Variants in STPG1 observed in about 807,000 individuals in gnomAD.
STPG1 encodes O(6)-methylguanine-induced apoptosis 2.
In STPG1, 33 loss-of-function variants were observed where a neutral mutation model predicts 40.1. The observed-to-expected ratio is 0.82, with a 90% confidence interval of 0.62 to 1.10. The LOEUF is 1.10. Among genes scored for constraint, STPG1 ranks in the 50% least tolerant of loss-of-function variants. The pLI, the probability that STPG1 is intolerant of heterozygous loss-of-function variation, is 0.00. For synonymous variants in STPG1, 150 were observed against 155.0 expected, an observed-to-expected ratio of 0.97 and a Z score of 0.24; for missense variants, 396 against 415.1, an observed-to-expected ratio of 0.95 and a Z score of 0.40.
chr1:24,408,440 C>G (rs975846116), intron 1 of STPG1, among the ~76,000 whole-genome samples: 1 of 152,244 alleles, frequency 6.6e-6, no homozygotes, highest in African/African-American at 2.4e-5. Context: ...GGTTTCTGAA[C>G]ATTTTTGGTG....
At chr1:24,389,888 G>T (rs1392117509) in intron 3 of STPG1, among the ~76,000 whole-genome samples, 4 of 152,242 alleles carry the variant, frequency 2.6e-5, no homozygotes, top group African/African-American at 4.8e-5. Flanking sequence ...GTGTGTGTTT[G>T]TGTGCGTACA....
chr1:24,406,272 G>A (rs1643412507), intron 1 of STPG1, among the ~76,000 whole-genome samples: 1 of 151,982 alleles, frequency 6.6e-6, no homozygotes, highest in African/African-American at 2.4e-5. Context: ...TCAAACAATA[G>A]TATGTTACTT....
intron 1 of STPG1, among the ~76,000 whole-genome samples, chr1:24,412,941 T>C (rs1643777882): frequency 2.0e-5 from 3 of 152,250 alleles, no homozygotes; most frequent in Admixed American, 2.0e-4. Context: ...TGCTAAGTAT[T>C]ACAGTTTACA....
At chr1:24,402,964 T>C (rs1439064214) in intron 1 of STPG1, among the ~76,000 whole-genome samples, 1 of 152,158 alleles carries the variant, frequency 6.6e-6, no homozygotes, top group Non-Finnish European at 1.5e-5. Flanking sequence ...TTGATCAAAT[T>C]TGTCAAAATT....
intron 1 of STPG1, among the ~76,000 whole-genome samples, chr1:24,406,778 C>A (rs1643430976): frequency 6.6e-6 from 1 of 152,038 alleles, no homozygotes; most frequent in African/African-American, 2.4e-5. Context: ...AGTAATAATT[C>A]TTTTTTTATC....
chr1:24,389,087 A>T (rs1642636922), intron 3 of STPG1, among the ~76,000 whole-genome samples: 1 of 152,218 alleles, frequency 6.6e-6, no homozygotes, highest in Admixed American at 6.5e-5. Context: ...CACATTTAAA[A>T]AGTTGGAACC....
intron 8 of STPG1, 97 bp downstream of exon 8, chr1:24,360,754 G>A (rs1233620394): frequency 6.2e-6 from 7 of 1,124,576 alleles, no homozygotes; most frequent in East Asian, 2.4e-5. Context: ...AACCTATTTG[G>A]GAAACAACCT....
At chr1:24,385,653 T>G (rs1333878426) in intron 3 of STPG1, among the ~76,000 whole-genome samples, 1 of 152,216 alleles carries the variant, frequency 6.6e-6, no homozygotes, top group Non-Finnish European at 1.5e-5. Context: ...ACATAACTAG[T>G]AAATGTCAGA....
chr1:24,402,335 T>C (rs1355632029), intron 1 of STPG1, among the ~76,000 whole-genome samples: 2 of 152,212 alleles, frequency 1.3e-5, no homozygotes, highest in African/African-American at 4.8e-5. Flanking sequence ...CCAACATGTG[T>C]TTGCTCAATC....
intron 2 of STPG1, among the ~76,000 whole-genome samples, chr1:24,392,237 T>A (rs978668101): frequency 6.6e-6 from 1 of 152,248 alleles, no homozygotes; most frequent in African/African-American, 2.4e-5. Context: ...CTATAGAAAC[T>A]GAAGTTAAAA....
At chr1:24,413,850 T>A (rs1230567484), upstream of STPG1, 2 of 152,206 alleles carry the variant, frequency 1.3e-5, no homozygotes, top group Non-Finnish European at 2.9e-5. Context: ...CGTTTCAAAG[T>A]CCGCAGAGAA....
chr1:24,401,402 T>G lies in STPG1; in HGVS notation c.-14A>C. 1 of 1,613,234 alleles carries G rather than the reference T, an allele frequency of 6.2e-7. No individual in the cohort carries two copies. Among genetic ancestry groups the G allele is most frequent in the Non-Finnish European group, 8.5e-7 (1 of 1,179,416 alleles). On this transcript the variant is annotated 5_prime_UTR_variant, in exon 2 of 9. Coordinates refer to ENST00000337248, the MANE Select transcript of STPG1 (RefSeq NM_001199013.2). ...AGAGTTGTCCATGTTAGCAAAATTC[T>G]GTGACGTGTTCCATTTGTTTGATGA... is the stretch of plus-strand genomic sequence containing the variant.
intron 3 of STPG1, among the ~76,000 whole-genome samples, chr1:24,386,536 A>G (rs1248694510): frequency 3.3e-5 from 5 of 152,246 alleles, no homozygotes; most frequent in Non-Finnish European, 7.3e-5. Flanking sequence ...CAGATGCTAC[A>G]TCTCAGCACT....
rs1217993682 is a variant in STPG1 at position 24,359,597 on chromosome 1, C to G, written c.929-978G>C. On this transcript the variant is annotated intron_variant, in intron 8 of 8. Transcript: ENST00000337248. The surrounding 1 kb of genome is among the most constrained non-coding windows in gnomAD (Gnocchi z 5.3). ...CCTGTGAGTATGGAGCTGACGGCAT[C>G]TCCCCACCTGACTGTGGCCTCTGGG... Among the ~76,000 whole-genome samples the G allele has an allele frequency of 6.6e-6, 1 of 152,168 alleles. No individual in the cohort carries two copies. Among genetic ancestry groups the G allele is most frequent in the Non-Finnish European group, 1.5e-5 (1 of 68,024 alleles).
rs140067793 is a variant in STPG1 at position 24,397,578 on chromosome 1, C to T, written c.70+3741G>A. ...GACAATATATAAAAAGATAATACATCGTGACCAACCCCAGTAATGCAAAAA... is the reference window on the plus strand; with the variant it reads ...GACAATATATAAAAAGATAATACATTGTGACCAACCCCAGTAATGCAAAAA... On this transcript the variant is annotated intron_variant, in intron 2 of 8. Coordinates refer to ENST00000337248, the MANE Select transcript of STPG1 (RefSeq NM_001199013.2). Among the ~76,000 whole-genome samples the T allele has an allele frequency of 1.2e-3, 186 of 152,070 alleles. 2 individuals carry two copies. The highest frequency in any genetic ancestry group is 4.3e-3 in the African/African-American group (179 of 41,492).
chr1:24,391,463 C>G, intron 3 of STPG1, 98 bp downstream of exon 3: 1 of 758,242 alleles, frequency 1.3e-6, no homozygotes, highest in Non-Finnish European at 2.2e-6. Flanking sequence ...CTGCCCTCCA[C>G]TGTCCACAGA....
intron 2 of STPG1, among the ~76,000 whole-genome samples, chr1:24,395,469 T>C (rs1325214396): frequency 1.3e-5 from 2 of 148,160 alleles, no homozygotes; most frequent in Non-Finnish European, 3.0e-5. Context: ...GTCTCGTTCT[T>C]GCGCCCAGGC....
intron 5 of STPG1, among the ~76,000 whole-genome samples, chr1:24,374,257 GTTT>G (rs1553122570): frequency 4.8e-5 from 3 of 62,122 alleles, no homozygotes; most frequent in Admixed American, 2.0e-4. Flanking sequence ...TTTTTTTTTT[GTTT>G]TTTTTTTTTT....
At chr1:24,382,984 T>A (rs1642355779) in intron 4 of STPG1, among the ~76,000 whole-genome samples, 2 of 149,264 alleles carry the variant, frequency 1.3e-5, no homozygotes, top group South Asian at 4.2e-4. Context: ...AAATCATAGT[T>A]CACTGCAGCC....
Sources: gnomAD v4.1 joint callset for allele counts (sites outside exome capture counted in the v4.1 genomes callset) on GRCh38, gnomAD v4.1.1 for gene constraint, Gnocchi (gnomAD v3.1) non-coding constraint, MANE v1.5 for transcripts, NCBI Gene and HGNC (gene_info 2026-07-23, HGNC 2026-07-21) for gene names.